SIRT1: variants seen among roughly 807,000 people sequenced by gnomAD.
SIRT1 encodes NAD-dependent protein deacetylase sirtuin-1.
Under a neutral mutation model 67.9 loss-of-function variants are expected in SIRT1, and 24 were observed. That is an observed-to-expected ratio of 0.35 (90% CI 0.26 to 0.50). SIRT1 has a LOEUF of 0.50. SIRT1 is among the 20% of genes least tolerant of loss of function. The pLI, the probability that SIRT1 is intolerant of heterozygous loss-of-function variation, is 0.98. For missense variants in SIRT1, 873 were observed against 937.2 expected, an observed-to-expected ratio of 0.93 and a Z score of 0.89; for synonymous variants, 378 against 350.7, an observed-to-expected ratio of 1.08 and a Z score of -0.87.
intron 6 of SIRT1, among the ~76,000 whole-genome samples, chr10:67,908,359 C>T (rs973442729): frequency 2.0e-5 from 3 of 152,090 alleles, no homozygotes; most frequent in Non-Finnish European, 4.4e-5. Flanking sequence ...GTATCTAAGC[C>T]GAACATAAAA....
intron 4 of SIRT1, chr10:67,906,421 AT>A: frequency 3.3e-6 from 3 of 915,994 alleles, no homozygotes; most frequent in South Asian, 2.4e-5. Flanking sequence ...GATATCTGTA[AT>A]TTTAGTTTAA....
At chr10:67,906,712 A>G in intron 4 of SIRT1, 78 bp from the exon 5 acceptor site, 5 of 1,341,758 alleles carry the variant, frequency 3.7e-6, no homozygotes, top group Non-Finnish European at 5.2e-6. Context: ...TGGGATTATC[A>G]GTATTTTTTT....
intron 1 of SIRT1, among the ~76,000 whole-genome samples, chr10:67,886,446 G>A (rs1842482045): frequency 6.6e-6 from 1 of 151,634 alleles, no homozygotes. Context: ...TAAAAAAAGC[G>A]GGACGTGGTG....
intron 4 of SIRT1, among the ~76,000 whole-genome samples, chr10:67,893,764 T>G (rs1283699129): frequency 6.6e-6 from 1 of 152,150 alleles, no homozygotes; most frequent in Non-Finnish European, 1.5e-5. Flanking sequence ...AGGTTGGTCT[T>G]GAACTCCTGA....
At chr10:67,903,346 A>G (rs1052093385) in intron 4 of SIRT1, among the ~76,000 whole-genome samples, 1 of 152,010 alleles carries the variant, frequency 6.6e-6, no homozygotes, top group African/African-American at 2.4e-5. Context: ...GAGAAGAAAG[A>G]AAGGCATAAT....
intron 1 of SIRT1, among the ~76,000 whole-genome samples, chr10:67,886,956 C>G (rs1377826278): frequency 6.6e-6 from 1 of 151,888 alleles, no homozygotes; most frequent in African/African-American, 2.4e-5. Flanking sequence ...ACCGCAACCT[C>G]CGCTTCCCGG....
intron 1 of SIRT1, among the ~76,000 whole-genome samples, chr10:67,886,250 A>G (rs1842478967): frequency 1.3e-5 from 2 of 150,222 alleles, no homozygotes; most frequent in East Asian, 4.1e-4. Flanking sequence ...CAGGTTTCTT[A>G]TTTTTGATCT....
In SIRT1 at chr10:67,913,008, A is replaced by C; in HGVS notation, c.1892A>C (p.Glu631Ala). 1 of 1,607,670 alleles carries C rather than the reference A, an allele frequency of 6.2e-7. No homozygotes were observed. The highest frequency in any genetic ancestry group is 1.3e-5 in the African/African-American group (1 of 74,600). Residue 631 changes from glutamate (E) to alanine (A), a missense_variant, in exon 8 of 9, where the codon GAG becomes GCG. Glu to Ala is a moderately radical substitution (Grantham distance 107). This residue lies in a region of SIRT1 where 295 missense variants were observed against 294.5 expected (regional missense o/e 1.00). Coordinates refer to ENST00000212015, the MANE Select transcript of SIRT1 (RefSeq NM_012238.5). ...RKCWPNRVAK[E>A]QISRRLDGNQ... ...TGCTGGCCTAATAGAGTGGCAAAGG[A>C]GCAGATTAGTAGGCGGCTTGATGGT... is the stretch of plus-strand genomic sequence containing the variant.
At position 67,916,299 on chromosome 10, in the gene SIRT1, C is replaced by T. The variant is rs752153256; in HGVS notation, c.1950C>T (p.Tyr650=). ...ATCTGTTTTTGCCACCAAATCGTTA[C>T]ATTTTCCATGGCGCTGAGGTATATT... The part of the protein sequence containing the change: ...NQYLFLPPNR[Y]IFHGAEVYSD... The change falls in exon 9 of 9, where the codon TAC becomes TAT. Residue 650 remains tyrosine, a synonymous_variant. Transcript: ENST00000212015. The T allele has an allele frequency of 1.6e-5, 26 of 1,599,188 alleles. No homozygotes were observed. Among genetic ancestry groups the T allele is most frequent in the Non-Finnish European group, 2.1e-5 (25 of 1,167,868 alleles).
chr10:67,900,176 C>T (rs1287892524), intron 4 of SIRT1, among the ~76,000 whole-genome samples: 2 of 152,224 alleles, frequency 1.3e-5, no homozygotes, highest in East Asian at 3.9e-4. Context: ...GACAGAGTCG[C>T]ATTCTGTCGC....
At chr10:67,896,719 G>A (rs1014053662) in intron 4 of SIRT1, among the ~76,000 whole-genome samples, 13 of 137,224 alleles carry the variant, frequency 9.5e-5, no homozygotes, top group Non-Finnish European at 2.0e-4. Context: ...CTGAGATCGC[G>A]CTGCTGTACT....
intron 4 of SIRT1, among the ~76,000 whole-genome samples, chr10:67,903,023 G>C (rs911948655): frequency 6.6e-6 from 1 of 152,160 alleles, no homozygotes; most frequent in Admixed American, 6.6e-5. Flanking sequence ...CCCAGGAGAG[G>C]TGGAGGTTGC....
At chr10:67,896,571 G>A (rs7095373) in intron 4 of SIRT1, among the ~76,000 whole-genome samples, 81,488 of 151,682 alleles carry the variant, frequency 0.54, 23,509 homozygotes, top group Non-Finnish European at 0.66. Context: ...TGAGGTGGGC[G>A]GATCACTTGA....
intron 5 of SIRT1, 56 bp downstream of exon 5, chr10:67,906,993 T>TTTCC: frequency 6.9e-7 from 1 of 1,439,932 alleles, no homozygotes; most frequent in Non-Finnish European, 9.2e-7. Context: ...TAGGAAGATA[T>TTTCC]TTCCTATAAA....
Position 67,884,667 on chromosome 10 carries a change from G to C in SIRT1, c.-55G>C. The stretch of plus-strand genomic sequence containing the variant: ...GGAGCCGCGGGGGCGCCAGTGCCGC[G>C]CGTCGAGCGGGAGCAGAGGAGGCGA... On this transcript the variant is annotated 5_prime_UTR_variant, in exon 1 of 9. Transcript: ENST00000212015. 1 of 1,225,194 alleles carries C rather than the reference G, an allele frequency of 8.2e-7. No individual in the cohort carries two copies. Among genetic ancestry groups the C allele is most frequent in the Non-Finnish European group, 1.0e-6 (1 of 983,872 alleles). The allele number at this position is 1,225,194 out of a possible 1,614,324, so 75.9% of individuals were successfully genotyped here. A position where few individuals can be genotyped will look rare whatever the true frequency, so the allele number is the denominator to read the frequency against.
At chr10:67,885,630 T>G (rs1842466234) in intron 1 of SIRT1, among the ~76,000 whole-genome samples, 1 of 152,116 alleles carries the variant, frequency 6.6e-6, no homozygotes, top group South Asian at 2.1e-4. Context: ...CTTTTTTTGG[T>G]CTATATTTTT....
At chr10:67,910,635 A>G (rs1842884579) in intron 7 of SIRT1, among the ~76,000 whole-genome samples, 1 of 152,164 alleles carries the variant, frequency 6.6e-6, no homozygotes, top group South Asian at 2.1e-4. Context: ...ACCATGTAAG[A>G]TGGAATTTGG....
In SIRT1 at chr10:67,885,103, G is replaced by T; in HGVS notation, c.382G>T (p.Glu128Ter). 6.9e-7 allele frequency: 1 copy of T among 1,443,794 alleles called. No individual in the cohort carries two copies. Among genetic ancestry groups the T allele is most frequent in the Non-Finnish European group, 9.1e-7 (1 of 1,092,936 alleles). The allele number at this position is 1,443,794 out of a possible 1,614,324, so 89.4% of individuals were successfully genotyped here. ...DNLYDEDDDD[E>*]GEEEEEAAAA... The stretch of plus-strand genomic sequence containing the variant: ...CTTGTACGACGAAGACGACGACGAC[G>T]AGGGCGAGGAGGAGGAAGAGGCGGC... The change falls in exon 1 of 9, where the codon GAG (glutamate) becomes TAG (stop). Residue 128 changes from glutamate to a stop codon, truncating the protein, a stop_gained. Transcript: ENST00000212015. LOFTEE classifies it high-confidence loss of function.
intron 3 of SIRT1, among the ~76,000 whole-genome samples, chr10:67,891,029 CA>C (rs11327756): frequency 0.43 from 42,989 of 99,938 alleles, 5,427 homozygotes; most frequent in African/African-American, 0.5. Flanking sequence ...GACTCTGTCT[CA>C]AAAAAAAAAA....
Sources: allele counts gnomAD v4.1 joint callset (sites outside exome capture counted in the v4.1 genomes callset), GRCh38; gene constraint gnomAD v4.1.1; regional missense constraint gnomAD v4.1.1; transcripts MANE v1.5; gene names NCBI Gene and HGNC (gene_info 2026-07-23, HGNC 2026-07-21).